UVRAG: variants seen among roughly 807,000 people sequenced by gnomAD.
UVRAG encodes UV radiation resistance-associated gene protein.
A neutral mutation model predicts 78.0 loss-of-function variants in UVRAG; 19 were observed. The observed-to-expected ratio is 0.24, with a 90% CI of 0.17 to 0.36. UVRAG has a LOEUF of 0.36. Among genes scored for constraint, UVRAG ranks in the 10% least tolerant of loss-of-function variants. The pLI is 1.00. For missense variants in UVRAG, 740 were observed against 853.8 expected, an observed-to-expected ratio of 0.87 and a Z score of 1.66; for synonymous variants, 323 against 324.6, an observed-to-expected ratio of 1.00 and a Z score of 0.05.
At chr11:75,971,638 A>G (rs1249511887) in intron 7 of UVRAG, among the ~76,000 whole-genome samples, 2 of 151,858 alleles carry the variant, frequency 1.3e-5, no homozygotes, top group Non-Finnish European at 2.9e-5. Flanking sequence ...ATCTTCTTTG[A>G]TGAGATACCT....
In UVRAG at chr11:75,878,741, A is replaced by G. The variant is rs899433698; in HGVS notation, c.271-1138A>G. On this transcript the variant is annotated intron_variant, in intron 3 of 14. Transcript: ENST00000356136. ...TCAGGCGTGGCGGCGCGCGCCTGCAATCGCAGGCACTCGGCAGGCTGAGGC... is the reference window on the plus strand; with the variant it reads ...TCAGGCGTGGCGGCGCGCGCCTGCAGTCGCAGGCACTCGGCAGGCTGAGGC... Among the ~76,000 whole-genome samples, 15 of 152,286 alleles carry G rather than the reference A, an allele frequency of 9.8e-5. No homozygotes were observed. The South Asian group carries it at 1.2e-3, about 13-fold the overall frequency.
At chr11:76,036,639 G>T (rs1950540346) in intron 12 of UVRAG, among the ~76,000 whole-genome samples, 1 of 152,042 alleles carries the variant, frequency 6.6e-6, no homozygotes, top group Admixed American at 6.6e-5. Context: ...CATGGAAAAT[G>T]ATTGAGAGGT....
intron 5 of UVRAG, among the ~76,000 whole-genome samples, chr11:75,910,229 T>G (rs1474263520): frequency 6.6e-6 from 1 of 152,244 alleles, no homozygotes; most frequent in Non-Finnish European, 1.5e-5. Flanking sequence ...ATATAACTTT[T>G]AATGATACTA....
rs186981885 is a variant in UVRAG at position 75,975,540 on chromosome 11, G to A, written c.700-7847G>A. 5.9e-5 allele frequency among the ~76,000 whole-genome samples: 9 copies of A among 152,090 alleles called. No individual in the cohort carries two copies. In the South Asian group the frequency reaches 6.2e-4, roughly 11 times the overall value. On this transcript the variant is annotated intron_variant, in intron 7 of 14. Coordinates refer to ENST00000356136, the MANE Select transcript of UVRAG (RefSeq NM_003369.4). ...ATTTGTTTGTGTCCTCTTTTATTTT[G>A]TTGAGCAGTGGTTTGTAATTCTCCT...
chr11:75,862,431 C>G (rs993731441), intron 3 of UVRAG, among the ~76,000 whole-genome samples: 2 of 152,146 alleles, frequency 1.3e-5, no homozygotes, highest in Non-Finnish European at 2.9e-5. Flanking sequence ...CAAAGAAGAC[C>G]TTTCTGGTAA....
intron 9 of UVRAG, among the ~76,000 whole-genome samples, chr11:76,005,020 T>C (rs1309181528): frequency 1.3e-5 from 2 of 152,110 alleles, no homozygotes; most frequent in Non-Finnish European, 2.9e-5. Flanking sequence ...TGCACTTTTC[T>C]TCAAAAAACT....
intron 4 of UVRAG, among the ~76,000 whole-genome samples, chr11:75,883,724 GAT>G (rs1947008194): frequency 6.6e-6 from 1 of 152,176 alleles, no homozygotes; most frequent in African/African-American, 2.4e-5. Flanking sequence ...ACGGGGAAGA[GAT>G]ATTTAGACCA....
chr11:75,943,689 A>G (rs1948530106), intron 6 of UVRAG, among the ~76,000 whole-genome samples: 1 of 152,132 alleles, frequency 6.6e-6, no homozygotes, highest in South Asian at 2.1e-4. Context: ...TGCACTAATT[A>G]TCACATGCTT....
chr11:75,953,310 C>G (rs1262777401), intron 6 of UVRAG, among the ~76,000 whole-genome samples: 1 of 152,154 alleles, frequency 6.6e-6, no homozygotes, highest in African/African-American at 2.4e-5. Context: ...GAAGAAATAT[C>G]TTTCTAAAGT....
At position 76,118,401 on chromosome 11, in the gene UVRAG, A is replaced by G. The variant is rs962793900; in HGVS notation, c.1397+2386A>G. On this transcript the variant is annotated intron_variant, in intron 14 of 14. Transcript: ENST00000356136. Reference sequence around the variant, plus strand: ...CTTCGTTACTTTTTCTTGTCTTACTATGTTTTATTACAGAACAGGAGCAGT... The same window carrying G: ...CTTCGTTACTTTTTCTTGTCTTACTGTGTTTTATTACAGAACAGGAGCAGT... Among the ~76,000 whole-genome samples the G allele has an allele frequency of 1.9e-4, 29 of 152,094 alleles. 1 individual carries two copies. Among genetic ancestry groups the G allele is most frequent in the Admixed American group, 5.2e-4 (8 of 15,268 alleles).
intron 13 of UVRAG, among the ~76,000 whole-genome samples, chr11:76,111,566 AT>A (rs1229603192): frequency 2.6e-5 from 4 of 152,216 alleles, no homozygotes; most frequent in African/African-American, 9.6e-5. Flanking sequence ...CCAAAAGGTG[AT>A]TACGTGAAAG....
At chr11:75,997,041 A>G (rs1949721488) in intron 8 of UVRAG, among the ~76,000 whole-genome samples, 1 of 152,198 alleles carries the variant, frequency 6.6e-6, no homozygotes, top group Non-Finnish European at 1.5e-5. Context: ...CATATGTGCA[A>G]TATATTAAAT....
chr11:76,119,966 G>A (rs139907496), intron 14 of UVRAG, among the ~76,000 whole-genome samples: 306 of 152,212 alleles, frequency 2.0e-3, no homozygotes, highest in African/African-American at 6.7e-3. Context: ...ACGTCCTGTC[G>A]CTGTACTGGC....
chr11:75,909,856 C>T (rs1462456875), intron 5 of UVRAG, among the ~76,000 whole-genome samples: 5 of 151,960 alleles, frequency 3.3e-5, no homozygotes, highest in African/African-American at 1.2e-4. Context: ...TGTATAATTT[C>T]CTTTGTGTGT....
At chr11:75,822,390 A>C (rs1372619588) in intron 1 of UVRAG, among the ~76,000 whole-genome samples, 1 of 152,236 alleles carries the variant, frequency 6.6e-6, no homozygotes, top group Non-Finnish European at 1.5e-5. Context: ...TTTTCCCCAC[A>C]CACCAAGCGA....
At chr11:75,898,136 T>C (rs1387378993) in intron 5 of UVRAG, among the ~76,000 whole-genome samples, 1 of 152,198 alleles carries the variant, frequency 6.6e-6, no homozygotes, top group African/African-American at 2.4e-5. Context: ...CCCAAAGTGC[T>C]GGGATTACAG....
At chr11:75,920,766 T>G (rs1283816459) in intron 6 of UVRAG, among the ~76,000 whole-genome samples, 1 of 152,210 alleles carries the variant, frequency 6.6e-6, no homozygotes, top group Non-Finnish European at 1.5e-5. Flanking sequence ...TTCTATATAA[T>G]TTATGGTTTA....
chr11:76,000,009 G>C (rs1267429069), intron 8 of UVRAG, among the ~76,000 whole-genome samples: 3 of 151,884 alleles, frequency 2.0e-5, no homozygotes, highest in Non-Finnish European at 4.4e-5. Flanking sequence ...GTGAACTCCT[G>C]GGCAACCAAT....
At chr11:75,980,025 G>A (rs1357399217) in intron 7 of UVRAG, 1 of 152,390 alleles carries the variant, frequency 6.6e-6, no homozygotes, top group Non-Finnish European at 1.5e-5. Context: ...GAACCTCCCT[G>A]CCTCTTTTTT....
Sources: allele counts gnomAD v4.1 joint callset (sites outside exome capture counted in the v4.1 genomes callset), GRCh38; gene constraint gnomAD v4.1.1; transcripts MANE v1.5; gene names NCBI Gene and HGNC (gene_info 2026-07-23, HGNC 2026-07-21).